NTRK3: variants seen among roughly 807,000 people sequenced by gnomAD.
NTRK3 encodes neurotrophic receptor tyrosine kinase 3, also known as NT-3 growth factor receptor.
Under a neutral mutation model 91.7 loss-of-function variants are expected in NTRK3, and 24 were observed. The ratio of observed to expected loss-of-function variants is 0.26; its 90% CI spans 0.19 to 0.37. The LOEUF is 0.37. NTRK3 is among the 10% of genes least tolerant of loss of function. The pLI is 1.00. For synonymous variants in NTRK3, 483 were observed against 404.0 expected, an observed-to-expected ratio of 1.20 and a Z score of -2.34; for missense variants, 880 against 1,068.9, an observed-to-expected ratio of 0.82 and a Z score of 2.46.
chr15:87,941,451 G>A (rs532829945), intron 14 of NTRK3, among the ~76,000 whole-genome samples: 42 of 149,092 alleles, frequency 2.8e-4, no homozygotes, highest in African/African-American at 9.4e-4. Context: ...CAAGACACAC[G>A]CATGCACACA....
exon 4 of NTRK3, chr15:88,184,248 C>G: frequency 2.5e-6 from 4 of 1,614,134 alleles, no homozygotes; most frequent in Non-Finnish European, 3.4e-6. Flanking sequence ...CGGTGTAGAG[C>G]TCCATGTCCA....
At chr15:88,076,590 T>A (rs181558056) in intron 13 of NTRK3, among the ~76,000 whole-genome samples, 83 of 145,542 alleles carry the variant, frequency 5.7e-4, no homozygotes, top group African/African-American at 1.9e-3. Flanking sequence ...AGACAGGGGA[T>A]ACAAGAAGAA....
intron 14 of NTRK3, among the ~76,000 whole-genome samples, chr15:87,986,813 C>G (rs2074842628): frequency 6.6e-6 from 1 of 152,184 alleles, no homozygotes; most frequent in Non-Finnish European, 1.5e-5. Flanking sequence ...TATAAAGGAC[C>G]AGATAGAAAA....
chr15:87,940,469 C>A (rs1302129098), intron 15 of NTRK3, among the ~76,000 whole-genome samples, 154 bp downstream of exon 15: 1 of 152,178 alleles, frequency 6.6e-6, no homozygotes, highest in East Asian at 1.9e-4. Flanking sequence ...GTTTTGGTCC[C>A]TAGGAAACTT....
intron 13 of NTRK3, among the ~76,000 whole-genome samples, chr15:88,100,319 T>C (rs1464733956): frequency 1.3e-5 from 2 of 152,148 alleles, no homozygotes; most frequent in African/African-American, 2.4e-5. Flanking sequence ...AAAGGACTGA[T>C]CCTCCCAACA....
At chr15:88,181,910 C>A (rs1597806706) in intron 5 of NTRK3, among the ~76,000 whole-genome samples, 1 of 152,310 alleles carries the variant, frequency 6.6e-6, no homozygotes, top group African/African-American at 2.4e-5. Flanking sequence ...AAAACGGAGA[C>A]TTCTCAGATG....
chr15:87,955,735 G>C (rs552120762), intron 14 of NTRK3, among the ~76,000 whole-genome samples: 2 of 152,298 alleles, frequency 1.3e-5, no homozygotes, highest in East Asian at 1.9e-4. Flanking sequence ...GTGGTACTGG[G>C]CAGAAAAGAG....
exon 19 of NTRK3, chr15:87,862,972 T>C (rs185221846): frequency 1.0e-4 from 24 of 230,784 alleles, no homozygotes; most frequent in African/African-American, 4.6e-4. Context: ...CATAGACTTG[T>C]ACATTGTGAG....
exon 19 of NTRK3, chr15:87,861,602 C>G: frequency 5.2e-6 from 1 of 193,574 alleles, no homozygotes; most frequent in South Asian, 1.9e-4. Flanking sequence ...AAGTCCCTTT[C>G]ACTTAGGGAA....
chr15:87,993,479 G>C (rs2141523408), intron 14 of NTRK3, among the ~76,000 whole-genome samples: 1 of 152,240 alleles, frequency 6.6e-6, no homozygotes, highest in South Asian at 2.1e-4. Flanking sequence ...ACGGAGGAAA[G>C]GTGTCCCATT....
chr15:87,913,663 G>C (rs1235195961), intron 17 of NTRK3, among the ~76,000 whole-genome samples: 1 of 152,164 alleles, frequency 6.6e-6, no homozygotes, highest in Non-Finnish European at 1.5e-5. Flanking sequence ...AGCAACAAAA[G>C]GACTCATTTT....
In NTRK3 at chr15:87,923,699, C is replaced by G. The variant is rs1393784358; in HGVS notation, c.2133+5492G>C. On this transcript the variant is annotated intron_variant, in intron 17 of 18. Transcript: ENST00000394480. ...ATTGCTAGGGTTTGAAAGTGTCCTC[C>G]AAAGATCCTCTGTTGAAAACTTAAC... 3.9e-5 allele frequency among the ~76,000 whole-genome samples: 6 copies of G among 152,140 alleles called. 1 individual carries two copies.
At chr15:87,861,478 C>T (rs192082917) in exon 19 of NTRK3, 1 of 199,398 alleles carries the variant, frequency 5.0e-6, no homozygotes, top group Admixed American at 6.0e-5. Flanking sequence ...TGTAAAGTAG[C>T]ACTTAGTTTA....
chr15:87,914,934 A>G (rs1206999568), intron 17 of NTRK3, among the ~76,000 whole-genome samples: 1 of 152,204 alleles, frequency 6.6e-6, no homozygotes, highest in African/African-American at 2.4e-5. Context: ...CAGGGTGTAC[A>G]TGGTTATTTA....
rs1226139924 is a variant in NTRK3, at chr15:88,001,731, T to C, written c.1585+31126A>G. ...TCATGGCAGTACCATATCGTCTCTA[T>C]TACTGTAGCTTTGTAATAAGTTTTG... On this transcript the variant is annotated intron_variant, in intron 14 of 18. Coordinates refer to ENST00000394480, the Ensembl canonical transcript of NTRK3. 2.6e-5 allele frequency among the ~76,000 whole-genome samples: 4 copies of C among 152,314 alleles called. No homozygotes were observed. The East Asian group carries it at 5.8e-4, about 22-fold the overall frequency.
At chr15:88,079,381 C>T (rs931413796) in intron 13 of NTRK3, among the ~76,000 whole-genome samples, 2 of 152,150 alleles carry the variant, frequency 1.3e-5, no homozygotes, top group Admixed American at 6.5e-5. Flanking sequence ...AGAAAGCGGA[C>T]GGATATACCA....
intron 17 of NTRK3, among the ~76,000 whole-genome samples, chr15:87,911,205 G>C (rs558104377): frequency 5.9e-5 from 9 of 152,300 alleles, no homozygotes; most frequent in African/African-American, 1.9e-4. Context: ...GATTCAGGCT[G>C]TGAATGTGTA....
At chr15:88,139,743 T>C (rs2042204770) in intron 6 of NTRK3, among the ~76,000 whole-genome samples, 1 of 152,114 alleles carries the variant, frequency 6.6e-6, no homozygotes, top group African/African-American at 2.4e-5. Flanking sequence ...GCAAGGTCTT[T>C]GGCTGGTGTG....
intron 3 of NTRK3, among the ~76,000 whole-genome samples, chr15:88,211,183 C>G (rs1240922915): frequency 1.3e-5 from 2 of 152,198 alleles, no homozygotes; most frequent in Non-Finnish European, 2.9e-5. Context: ...TCACACTCCC[C>G]TTTCTTCCCT....
Sources: gnomAD v4.1 joint callset for allele counts (sites outside exome capture counted in the v4.1 genomes callset) on GRCh38, gnomAD v4.1.1 for gene constraint, MANE v1.5 for transcripts, NCBI Gene and HGNC (gene_info 2026-07-23, HGNC 2026-07-21) for gene names.